DNM3: variants seen among roughly 807,000 people sequenced by gnomAD.
DNM3 encodes dynamin-3.
Under a neutral mutation model 101.6 loss-of-function variants are expected in DNM3, and 47 were observed. The ratio of observed to expected loss-of-function variants is 0.46; its 90% CI spans 0.37 to 0.59. DNM3 has a LOEUF of 0.59. Ranked by LOEUF, DNM3 falls within the 20% of genes least tolerant of loss-of-function variation. The pLI is 0.00. For missense variants in DNM3, 849 were observed against 1,085.7 expected (o/e 0.78, Z 3.06); for synonymous variants, 385 against 387.9 (o/e 0.99, Z 0.09).
At chr1:172,224,063 A>C (rs966488690) in intron 14 of DNM3, among the ~76,000 whole-genome samples, 2 of 152,146 alleles carry the variant, frequency 1.3e-5, no homozygotes, top group African/African-American at 2.4e-5. Flanking sequence ...CTTGACCAGT[A>C]ATACCTTCTC....
chr1:171,998,001 C>A (rs896355226), intron 4 of DNM3, among the ~76,000 whole-genome samples: 1 of 152,006 alleles, frequency 6.6e-6, no homozygotes, highest in Non-Finnish European at 1.5e-5. Flanking sequence ...CCAAAGTATG[C>A]CAGTCAGGTG....
intron 14 of DNM3, among the ~76,000 whole-genome samples, chr1:172,245,795 G>C (rs1573113261): frequency 6.6e-6 from 1 of 152,254 alleles, no homozygotes; most frequent in East Asian, 1.9e-4. Context: ...CTGCCAGGTG[G>C]ACCGGCTAGG....
At chr1:172,134,165 G>A (rs2057094835) in intron 14 of DNM3, among the ~76,000 whole-genome samples, 1 of 152,122 alleles carries the variant, frequency 6.6e-6, no homozygotes, top group Non-Finnish European at 1.5e-5. Context: ...TGAGGGTGCG[G>A]AGCACTTAAG....
At chr1:172,235,338 C>T (rs2061497885) in intron 14 of DNM3, among the ~76,000 whole-genome samples, 1 of 152,130 alleles carries the variant, frequency 6.6e-6, no homozygotes, top group Admixed American at 6.6e-5. Context: ...ATTAAAAAGT[C>T]AGGAAACAAC....
chr1:172,159,795 A>C (rs1318293182), intron 14 of DNM3, among the ~76,000 whole-genome samples: 1 of 152,122 alleles, frequency 6.6e-6, no homozygotes, highest in Non-Finnish European at 1.5e-5. Context: ...ACAGTCATGC[A>C]TCACTTAACA....
In DNM3 at chr1:172,329,184, A is replaced by C. The variant is rs186384020; in HGVS notation, c.1893+5844A>C. 6.6e-3 allele frequency among the ~76,000 whole-genome samples: 1,007 copies of C among 152,260 alleles called. 11 individuals carry two copies. The highest frequency in any genetic ancestry group is 7.2e-3 in the Non-Finnish European group (491 of 68,010). On this transcript the variant is annotated intron_variant, in intron 17 of 20. Transcript: ENST00000627582. ...ATCTTTGGCAGATCAACTGAGCAAAAACCAAGATAAAAAAGGATGTGAATG... is the reference window on the plus strand; with the variant it reads ...ATCTTTGGCAGATCAACTGAGCAAACACCAAGATAAAAAAGGATGTGAATG...
intron 10 of DNM3, among the ~76,000 whole-genome samples, chr1:172,064,182 G>T (rs997267149): frequency 2.0e-5 from 3 of 152,006 alleles, no homozygotes; most frequent in Non-Finnish European, 4.4e-5. Flanking sequence ...CAATTTATAG[G>T]TTATTTAATT....
At chr1:172,133,260 GCT>G (rs2057038253) in intron 14 of DNM3, 3 of 1,074,316 alleles carry the variant, frequency 2.8e-6, no homozygotes, top group African/African-American at 1.7e-5. Context: ...GGCTTGGTGA[GCT>G]CTTGGTTATT....
At chr1:171,842,106 G>C (rs2124938467) in intron 1 of DNM3, among the ~76,000 whole-genome samples, 1 of 152,268 alleles carries the variant, frequency 6.6e-6, no homozygotes, top group East Asian at 1.9e-4. Flanking sequence ...CGGGGAGTCG[G>C]GGGAGGGGTC....
chr1:172,308,705 ATTTTT>A lies in DNM3; in HGVS notation c.1770-13_1770-9del. 1.6e-6 allele frequency: 2 copies of A among 1,212,910 alleles called. No homozygotes were observed. Among genetic ancestry groups the A allele is most frequent in the Non-Finnish European group, 1.1e-6 (1 of 887,622 alleles). The allele number at this position is 1,212,910 out of a possible 1,614,324, so 75.1% of individuals were successfully genotyped here. A position where few individuals can be genotyped will look rare whatever the true frequency, so the allele number is the denominator to read the frequency against. ...GAATTTGGTTCAAACTAAAAGCATG[ATTTTT>A]TTTTTTTTTAACTCCAGGAATGTAT... is the stretch of plus-strand genomic sequence containing the variant. On this transcript the variant is annotated intron_variant, in intron 15 of 20. Transcript: ENST00000627582.
At chr1:172,395,172 AAT>A (rs2069872444) in intron 20 of DNM3, among the ~76,000 whole-genome samples, 1 of 108,038 alleles carries the variant, frequency 9.3e-6, no homozygotes. Flanking sequence ...GATCAGAAGC[AAT>A]TTTTTTTTTT....
intron 1 of DNM3, among the ~76,000 whole-genome samples, chr1:171,874,763 C>T (rs899730918): frequency 5.3e-5 from 8 of 151,088 alleles, no homozygotes; most frequent in African/African-American, 7.3e-5. Context: ...CCTGTCACCC[C>T]GGTAGTGAAC....
rs569122372 is a variant in DNM3 at position 171,949,037 on chromosome 1, C to A, written c.235+27216C>A. ...GCATAAAGTTACTAAAAAATAAAAT[C>A]TTTTCTTATCATACAGAGACCTCAG... On this transcript the variant is annotated intron_variant, in intron 2 of 20. Transcript: ENST00000627582. Among the ~76,000 whole-genome samples the A allele has an allele frequency of 2.6e-4, 39 of 150,112 alleles. No homozygotes were observed. In the South Asian group the frequency reaches 6.2e-3, roughly 24 times the overall value.
At chr1:172,200,705 C>T (rs1297663969) in intron 14 of DNM3, among the ~76,000 whole-genome samples, 1 of 152,108 alleles carries the variant, frequency 6.6e-6, no homozygotes, top group East Asian at 1.9e-4. Context: ...GCAGTTAATA[C>T]TTGTGACTGC....
intron 15 of DNM3, among the ~76,000 whole-genome samples, chr1:172,306,125 A>G (rs1049507920): frequency 7.9e-5 from 12 of 152,256 alleles, no homozygotes; most frequent in African/African-American, 2.9e-4. Context: ...TTGTGTATTT[A>G]GAAAACCCCA....
At chr1:171,996,961 G>A (rs996022964) in intron 4 of DNM3, among the ~76,000 whole-genome samples, 2 of 152,072 alleles carry the variant, frequency 1.3e-5, no homozygotes, top group African/African-American at 4.8e-5. Context: ...GAGCCCAGGA[G>A]GTTGAGGCTG....
At chr1:171,853,446 C>A (rs1206699842) in intron 1 of DNM3, among the ~76,000 whole-genome samples, 1 of 152,182 alleles carries the variant, frequency 6.6e-6, no homozygotes, top group African/African-American at 2.4e-5. Context: ...GCATTACAGG[C>A]ATGAACCACT....
chr1:172,241,789 G>A (rs942262584), intron 14 of DNM3, among the ~76,000 whole-genome samples: 13 of 152,052 alleles, frequency 8.5e-5, no homozygotes, highest in African/African-American at 2.7e-4. Flanking sequence ...ACACTCTGCC[G>A]GTCTCTCATT....
At chr1:172,048,809 C>A in intron 10 of DNM3, 59 bp downstream of exon 10, 1 of 1,562,916 alleles carries the variant, frequency 6.4e-7, no homozygotes, top group Non-Finnish European at 8.7e-7. Context: ...CATTCCCTAT[C>A]TCATTGCATG....
Sources: gnomAD v4.1 joint callset for allele counts (sites outside exome capture counted in the v4.1 genomes callset) on GRCh38, gnomAD v4.1.1 for gene constraint, MANE v1.5 for transcripts, NCBI Gene and HGNC (gene_info 2026-07-23, HGNC 2026-07-21) for gene names.